The following CNGB3 variants were observed in gnomAD, a reference collection of about 807,000 sequenced individuals.
CNGB3 encodes cyclic nucleotide-gated channel beta-3.
In CNGB3, 86 loss-of-function variants were observed where a neutral mutation model predicts 92.8. The ratio of observed to expected loss-of-function variants is 0.93; its 90% CI spans 0.78 to 1.11. The LOEUF (loss-of-function observed/expected upper bound fraction) is 1.11. CNGB3 is among the 50% of genes least tolerant of loss of function. The pLI is 0.00. For missense variants in CNGB3, 1,026 were observed against 956.8 expected, an observed-to-expected ratio of 1.07 and a Z score of -0.95; for synonymous variants, 333 against 332.7, an observed-to-expected ratio of 1.00 and a Z score of -0.01.
chr8:86,592,716 A>C (rs1822072418), intron 15 of CNGB3, among the ~76,000 whole-genome samples: 1 of 152,196 alleles, frequency 6.6e-6, no homozygotes, highest in African/African-American at 2.4e-5. Context: ...TATATATATA[A>C]CTCTACATGC....
In CNGB3 at chr8:86,661,865, A is replaced by G. The variant is rs116364081; in HGVS notation, c.852+5060T>C. 5.3e-4 allele frequency: 611 copies of G among 1,158,940 alleles called. 3 individuals are homozygous for G. The African/African-American group carries it at 8.2e-3, about 16-fold the overall frequency. 71.8% of individuals were successfully genotyped at this position (1,158,940 alleles called of 1,614,324 possible). A position where few individuals can be genotyped will look rare whatever the true frequency, so the allele number is the denominator to read the frequency against. ...CTGGACGTTCCAGAACTGATGTCAGATTTGGGTCATCACAGTCCACAAACC... is the reference window on the plus strand; with the variant it reads ...CTGGACGTTCCAGAACTGATGTCAGGTTTGGGTCATCACAGTCCACAAACC... On this transcript the variant is annotated intron_variant, in intron 6 of 17. Transcript: ENST00000320005.
Position 86,668,026 on chromosome 8 carries a change from T to C in CNGB3, c.636A>G (p.Ser212=). ...TTCACCCTTTGATAATACCTGTGTA[T>C]GAATCTATGCTGTTTGGAAGTTTAA... is the stretch of plus-strand genomic sequence containing the variant. The part of the protein sequence containing the change: ...KRIKLPNSID[S]YTDRLYLLWL... The change falls in exon 5 of 18, where the codon TCA becomes TCG. Residue 212 remains serine, a synonymous_variant. Transcript: ENST00000320005. The C allele has an allele frequency of 1.2e-6, 2 of 1,614,090 alleles. No homozygotes were observed. Among genetic ancestry groups the C allele is most frequent in the Non-Finnish European group, 1.7e-6 (2 of 1,179,992 alleles).
At chr8:86,646,237 A>G (rs1416608992) in intron 8 of CNGB3, among the ~76,000 whole-genome samples, 2 of 151,184 alleles carry the variant, frequency 1.3e-5, no homozygotes, top group African/African-American at 4.8e-5. Flanking sequence ...ATTGCTTGGA[A>G]CATTATTGTG....
chr8:86,659,255 C>T (rs958300858), intron 6 of CNGB3: 3 of 775,830 alleles, frequency 3.9e-6, no homozygotes, highest in East Asian at 4.9e-5. Context: ...ATTGGTCTTT[C>T]TCCATCTGTA....
intron 6 of CNGB3, among the ~76,000 whole-genome samples, chr8:86,663,045 A>T (rs1823675462): frequency 6.6e-6 from 1 of 152,236 alleles, no homozygotes; most frequent in African/African-American, 2.4e-5. Context: ...CTACTACTTC[A>T]TAATTAGCCT....
At chr8:86,732,886 A>T (rs1211461804) in intron 2 of CNGB3, among the ~76,000 whole-genome samples, 2 of 152,120 alleles carry the variant, frequency 1.3e-5, no homozygotes, top group Admixed American at 6.6e-5. Flanking sequence ...AGTCTTTTTT[A>T]AAATTTCAGT....
At chr8:86,597,736 C>CT (rs1341178308) in intron 15 of CNGB3, among the ~76,000 whole-genome samples, 9 of 152,060 alleles carry the variant, frequency 5.9e-5, no homozygotes, top group African/African-American at 2.2e-4. Context: ...ATCCAGCACT[C>CT]TGGGAGGCCG....
Position 86,606,919 on chromosome 8 carries a change from A to G in CNGB3, c.1663-2708T>C, listed in dbSNP as rs530267761. ...CCAATATCAGAACTGATCTCTTAAA[A>G]ACCAATGAAATAGCCATGAATGAAT... is the stretch of plus-strand genomic sequence containing the variant. On this transcript the variant is annotated intron_variant, in intron 14 of 17. Transcript: ENST00000320005. Among the ~76,000 whole-genome samples the G allele has an allele frequency of 1.2e-4, 18 of 152,332 alleles. 1 individual carries two copies. The South Asian group carries it at 3.3e-3, about 28-fold the overall frequency.
intron 3 of CNGB3, among the ~76,000 whole-genome samples, chr8:86,681,916 C>T (rs1824089746): frequency 6.6e-6 from 1 of 152,152 alleles, no homozygotes; most frequent in African/African-American, 2.4e-5. Flanking sequence ...CTTCCAAGCA[C>T]AACTCTTCCT....
chr8:86,579,738 C>T (rs1243298127), intron 15 of CNGB3, among the ~76,000 whole-genome samples: 1 of 152,160 alleles, frequency 6.6e-6, no homozygotes, highest in African/African-American at 2.4e-5. Context: ...TGTTATTTTC[C>T]TGCCAAGCCT....
chr8:86,621,407 TA>T (rs1424141723), intron 13 of CNGB3, among the ~76,000 whole-genome samples: 1 of 152,360 alleles, frequency 6.6e-6, no homozygotes, highest in Admixed American at 6.5e-5. Flanking sequence ...AAAAATTTTA[TA>T]ATACCTACTC....
intron 3 of CNGB3, among the ~76,000 whole-genome samples, chr8:86,702,247 G>A (rs1196795177): frequency 2.6e-5 from 4 of 152,082 alleles, no homozygotes; most frequent in African/African-American, 4.8e-5. Flanking sequence ...TTGAGGGCTC[G>A]GAAGATCAAT....
intron 3 of CNGB3, among the ~76,000 whole-genome samples, chr8:86,710,055 C>T (rs529921297): frequency 1.3e-5 from 2 of 152,230 alleles, no homozygotes; most frequent in East Asian, 1.9e-4. Flanking sequence ...AAGCCCCATA[C>T]CTTGGTTTGC....
At chr8:86,694,830 A>G (rs1163405103) in intron 3 of CNGB3, among the ~76,000 whole-genome samples, 1 of 150,410 alleles carries the variant, frequency 6.6e-6, no homozygotes, top group Non-Finnish European at 1.5e-5. Context: ...GCAGCCAGGC[A>G]GAGGGGCTCC....
intron 2 of CNGB3, among the ~76,000 whole-genome samples, chr8:86,735,550 G>A (rs564844559): frequency 6.6e-6 from 1 of 152,244 alleles, no homozygotes; most frequent in Admixed American, 6.5e-5. Flanking sequence ...AGCTCCAGGA[G>A]AGAATCCTTT....
intron 13 of CNGB3, among the ~76,000 whole-genome samples, chr8:86,618,695 T>C (rs1451152279): frequency 6.6e-6 from 1 of 152,222 alleles, no homozygotes; most frequent in Non-Finnish European, 1.5e-5. Context: ...CTAGCAACAA[T>C]ACTTCATTTC....
chr8:86,684,390 C>T (rs1198498749), intron 3 of CNGB3, among the ~76,000 whole-genome samples: 1 of 152,076 alleles, frequency 6.6e-6, no homozygotes, highest in African/African-American at 2.4e-5. Context: ...TCATACACTG[C>T]TGCTTGGAAT....
rs532769824 is a variant in CNGB3 at position 86,715,003 on chromosome 8, G to C, written c.338+11528C>G. ...CCACAGCAAACCCCATCAGAGGTGA[G>C]TCTGAGCTCAGACACACCTACGCCT... On this transcript the variant is annotated intron_variant, in intron 3 of 17. Transcript: ENST00000320005. Among the ~76,000 whole-genome samples the C allele has an allele frequency of 3.9e-5, 6 of 152,126 alleles. No homozygotes were observed. The East Asian group carries it at 1.2e-3, about 29-fold the overall frequency.
At chr8:86,600,731 T>TC (rs1223506517) in intron 15 of CNGB3, among the ~76,000 whole-genome samples, 4 of 143,018 alleles carry the variant, frequency 2.8e-5, no homozygotes, top group Non-Finnish European at 6.0e-5. Context: ...TGCCTCAGCC[T>TC]CCCGAGTAGC....
Sources: allele counts gnomAD v4.1 joint callset (sites outside exome capture counted in the v4.1 genomes callset), GRCh38; gene constraint gnomAD v4.1.1; transcripts MANE v1.5; gene names NCBI Gene and HGNC (gene_info 2026-07-23, HGNC 2026-07-21).